SCMH1: variants seen among roughly 807,000 people sequenced by gnomAD.
SCMH1 encodes the protein polycomb protein SCMH1.
In SCMH1, 37 loss-of-function variants were observed where a neutral mutation model predicts 70.8. That is an observed-to-expected ratio of 0.52 (90% CI 0.40 to 0.69). The LOEUF is 0.69. Among genes scored for constraint, SCMH1 ranks in the 30% least tolerant of loss-of-function variants. The pLI, the probability that SCMH1 is intolerant of heterozygous loss-of-function variation, is 0.00. For synonymous variants in SCMH1, 292 were observed against 307.4 expected (o/e 0.95, Z 0.52); for missense variants, 607 against 827.3 (o/e 0.73, Z 3.27).
intron 2 of SCMH1, chr1:41,185,834 A>C (rs1332547328): frequency 4.6e-6 from 1 of 217,940 alleles, no homozygotes; most frequent in African/African-American, 2.3e-5. Context: ...GGGTTTCTCC[A>C]TGTTGGTCTC....
At chr1:41,210,425 A>G (rs1318606227) in intron 1 of SCMH1, among the ~76,000 whole-genome samples, 4 of 152,240 alleles carry the variant, frequency 2.6e-5, no homozygotes, top group Admixed American at 6.5e-5. Context: ...AAAAGAACAA[A>G]GCTGGAGGCA....
At chr1:41,160,779 TG>T in intron 4 of SCMH1, 95 bp downstream of exon 4, 2 of 1,133,306 alleles carry the variant, frequency 1.8e-6, no homozygotes, top group Non-Finnish European at 2.6e-6. Flanking sequence ...CAGAGACACG[TG>T]GAATTCTTTT....
intron 1 of SCMH1, among the ~76,000 whole-genome samples, chr1:41,235,282 T>A (rs1430902494): frequency 6.6e-6 from 1 of 152,108 alleles, no homozygotes; most frequent in Non-Finnish European, 1.5e-5. Context: ...CCCTGTATTA[T>A]GCTCATAACA....
chr1:41,133,503 G>GT (rs1312167880), intron 6 of SCMH1, among the ~76,000 whole-genome samples: 6 of 151,986 alleles, frequency 3.9e-5, no homozygotes, highest in East Asian at 1.9e-4. Flanking sequence ...CCAGGAACTG[G>GT]TTTTTTTGAA....
chr1:41,182,199 T>C (rs1012433389), intron 2 of SCMH1, among the ~76,000 whole-genome samples: 2 of 151,966 alleles, frequency 1.3e-5, no homozygotes, highest in African/African-American at 4.8e-5. Context: ...GGGCCTGTTG[T>C]GGGATGCGGG....
At chr1:41,039,440 T>C (rs747055948) in intron 12 of SCMH1, among the ~76,000 whole-genome samples, 16 of 152,158 alleles carry the variant, frequency 1.1e-4, no homozygotes, top group Non-Finnish European at 2.1e-4. Flanking sequence ...GACGAGGCTC[T>C]CTTTGGTAGG....
At chr1:41,137,897 A>G (rs1363993614) in intron 6 of SCMH1, among the ~76,000 whole-genome samples, 1 of 152,066 alleles carries the variant, frequency 6.6e-6, no homozygotes, top group Non-Finnish European at 1.5e-5. Flanking sequence ...CATTACTCCA[A>G]TCCTCTGTTA....
In SCMH1 at chr1:41,076,848, T is replaced by C. The variant is rs150109841; in HGVS notation, c.746-1397A>G. Among the ~76,000 whole-genome samples the C allele has an allele frequency of 4.9e-3, 739 of 152,204 alleles. 5 individuals are homozygous for C. The highest frequency in any genetic ancestry group is 0.027 in the Middle Eastern group (8 of 294). ...TAGAGAGTGAGTAGCAGTAAAATTG[T>C]GTAGGACTGCAGCCTGTGAAAATGA... is the stretch of plus-strand genomic sequence containing the variant. On this transcript the variant is annotated intron_variant, in intron 8 of 14. Transcript: ENST00000337495.
chr1:41,190,462 G>A (rs758322512), intron 1 of SCMH1, among the ~76,000 whole-genome samples: 20 of 152,202 alleles, frequency 1.3e-4, no homozygotes, highest in Non-Finnish European at 4.4e-5. Flanking sequence ...TAAGCTCTCT[G>A]GGAAGGAGAG....
chr1:41,048,682 G>A lies in SCMH1; in HGVS notation c.1306+8C>T, dbSNP rs1235302054. 5 of 1,613,204 alleles carry A rather than the reference G, an allele frequency of 3.1e-6. No individual in the cohort carries two copies. The African/African-American group carries it at 6.7e-5, about 22-fold the overall frequency. ...GCTGGGAGGCAATATGAGCCAAAGT[G>A]TGCTTACCTGAGATAACCTCACCAC... On this transcript the variant is annotated splice_region_variant and intron_variant, in intron 11 of 14. Transcript: ENST00000337495.
intron 8 of SCMH1, among the ~76,000 whole-genome samples, chr1:41,077,962 C>A (rs1043529040): frequency 3.3e-5 from 5 of 151,180 alleles, no homozygotes; most frequent in Admixed American, 6.6e-5. Flanking sequence ...AATAATGGAA[C>A]AAACAAACAG....
intron 5 of SCMH1, among the ~76,000 whole-genome samples, chr1:41,149,900 C>A (rs2148311898): frequency 6.6e-6 from 1 of 152,258 alleles, no homozygotes; most frequent in South Asian, 2.1e-4. Context: ...TTCTCATATG[C>A]ATTTATAAAA....
intron 9 of SCMH1, among the ~76,000 whole-genome samples, chr1:41,071,336 C>G (rs765006000): frequency 6.6e-6 from 1 of 152,062 alleles, no homozygotes; most frequent in African/African-American, 2.4e-5. Context: ...ATCTAGGAAG[C>G]TTTTCTAGTT....
chr1:41,033,859 T>C (rs1644900380), intron 13 of SCMH1, 124 bp downstream of exon 14: 19 of 1,403,666 alleles, frequency 1.4e-5, no homozygotes, highest in Non-Finnish European at 1.7e-5. Context: ...CAAGGAAAAT[T>C]GGAGATGCTT....
chr1:41,118,202 G>A (rs1361354610), intron 6 of SCMH1, among the ~76,000 whole-genome samples: 1 of 152,158 alleles, frequency 6.6e-6, no homozygotes, highest in African/African-American at 2.4e-5. Context: ...AGAAAATGAG[G>A]CACATAAGAG....
At chr1:41,064,746 C>A (rs924086301) in intron 10 of SCMH1, among the ~76,000 whole-genome samples, 4 of 150,570 alleles carry the variant, frequency 2.7e-5, no homozygotes, top group African/African-American at 9.7e-5. Flanking sequence ...GAAACCATCT[C>A]TATAAAAAAA....
intron 10 of SCMH1, among the ~76,000 whole-genome samples, chr1:41,050,392 C>T (rs1042440646): frequency 1.3e-5 from 2 of 152,084 alleles, no homozygotes; most frequent in African/African-American, 2.4e-5. Flanking sequence ...TTGTGTGGCC[C>T]GTGGATGGAC....
intron 1 of SCMH1, among the ~76,000 whole-genome samples, chr1:41,205,045 T>C (rs1225610861): frequency 6.6e-6 from 1 of 151,908 alleles, no homozygotes; most frequent in African/African-American, 2.4e-5. Flanking sequence ...TTAAGGAAAA[T>C]CTCTTAAAAT....
chr1:41,116,860 T>C, intron 7 of SCMH1, 62 bp downstream of exon 7: 1 of 1,347,746 alleles, frequency 7.4e-7, no homozygotes, highest in Non-Finnish European at 1.0e-6. Flanking sequence ...AATGTGGACA[T>C]CAAAGTCTCA....
Sources: gnomAD v4.1 joint callset for allele counts (sites outside exome capture counted in the v4.1 genomes callset) on GRCh38, gnomAD v4.1.1 for gene constraint, MANE v1.5 for transcripts, NCBI Gene and HGNC (gene_info 2026-07-23, HGNC 2026-07-21) for gene names.